YY1AP1: variants seen among roughly 807,000 people sequenced by gnomAD.
The protein encoded by YY1AP1 is YY1 associated protein 1, also known as YY1-associated protein 1.
Under a neutral mutation model 39.9 loss-of-function variants are expected in YY1AP1, and 43 were observed. The observed-to-expected ratio is 1.08, with a 90% CI of 0.84 to 1.39. YY1AP1 has a LOEUF of 1.39. Ranked by LOEUF, YY1AP1 falls within the 40% of genes most tolerant of loss-of-function variation. YY1AP1 has a pLI of 0.00. For missense variants in YY1AP1, 813 were observed against 900.7 expected (o/e 0.90, Z 1.25); for synonymous variants, 292 against 331.3 (o/e 0.88, Z 1.29).
In YY1AP1 at chr1:155,660,504, A is replaced by C. The variant is rs776178790; in HGVS notation, c.1406T>G (p.Leu469Arg). 1.2e-6 allele frequency: 2 copies of C among 1,614,118 alleles called. No homozygotes were observed. The highest frequency in any genetic ancestry group is 1.1e-5 in the South Asian group (1 of 91,076). Residue 469 changes from leucine to arginine, a missense_variant, in exon 11 of 11, where the codon CTG (leucine) becomes CGG (arginine). Physicochemically the swap from Leu to Arg is moderately radical, Grantham distance 102. Around this residue, in one of 3 missense-constraint regions of YY1AP1, gnomAD observed 586 missense variants for 647.4 expected, o/e 0.91. Transcript: ENST00000355499. ...VLQTVPGVPP[L>R]GVSGGESFES... ...AAAACTCTCACCTCCACTGACCCCC[A>C]GTGGAGGGACACCTGGAACTGTCTG...
chr1:155,675,147 C>T (rs374390293), intron 5 of YY1AP1, 51 bp from the exon 6 acceptor site: 256 of 1,539,260 alleles, frequency 1.7e-4, no homozygotes, highest in Non-Finnish European at 2.0e-4. Flanking sequence ...ACTGCCATTT[C>T]AGGAGCCCAG....
rs1235940092 is a variant in YY1AP1, at chr1:155,688,290, T to C, written c.-151-89A>G. The C allele has an allele frequency of 1.3e-5, 20 of 1,577,040 alleles. No individual in the cohort carries two copies. The Admixed American group carries it at 3.8e-4, about 30-fold the overall frequency. ...GCGGATCCCGCAACCGACACTGGGA[T>C]CGTTTCCCCTCGCAAAGCGAACCCA... On this transcript the variant is annotated intron_variant, in intron 1 of 10. Transcript: ENST00000355499.
intron 7 of YY1AP1, chr1:155,670,815 C>T (rs1649743465): frequency 8.2e-6 from 2 of 244,834 alleles, no homozygotes; most frequent in African/African-American, 2.3e-5. Flanking sequence ...GCTGGGACTA[C>T]AGGCGCCTGC....
intron 9 of YY1AP1, among the ~76,000 whole-genome samples, chr1:155,668,298 G>C (rs763661324): frequency 4.6e-5 from 7 of 152,104 alleles, no homozygotes; most frequent in Non-Finnish European, 8.8e-5. Context: ...GACAGTGCAA[G>C]ATTATGTCTG....
At chr1:155,661,600 G>A (rs1648161471) in intron 9 of YY1AP1, among the ~76,000 whole-genome samples, 177 bp from the exon 10 acceptor site, 1 of 151,858 alleles carries the variant, frequency 6.6e-6, no homozygotes, top group Non-Finnish European at 1.5e-5. Flanking sequence ...AATAGCATAT[G>A]CTGAATACTT....
chr1:155,661,116 C>T lies in YY1AP1; in HGVS notation c.996+191G>A, dbSNP rs970490682. On this transcript the variant is annotated intron_variant, in intron 10 of 10. Transcript: ENST00000355499. ...TCCTTTAGCAAATTACCATTTTACC[C>T]ATTATTTTGAAAATGTTGTAGAATC... 2.0e-6 allele frequency: 3 copies of T among 1,505,822 alleles called. No homozygotes were observed. The African/African-American group carries it at 4.2e-5, about 21-fold the overall frequency. The allele number at this position is 1,505,822 out of a possible 1,614,324, so 93.3% of individuals were successfully genotyped here.
At chr1:155,665,809 A>AAAAAAAAAG (rs1423160111) in intron 9 of YY1AP1, among the ~76,000 whole-genome samples, 1 of 145,382 alleles carries the variant, frequency 6.9e-6, no homozygotes, top group African/African-American at 2.7e-5. Flanking sequence ...AAAAAAAAAA[A>AAAAAAAAAG]GTAATGCAAA....
At chr1:155,679,063 A>G in intron 4 of YY1AP1, 4 of 1,167,808 alleles carry the variant, frequency 3.4e-6, no homozygotes, top group Non-Finnish European at 4.4e-6. Flanking sequence ...AATGGCACAT[A>G]AAAAGAACAA....
At chr1:155,664,502 A>AG (rs1335886347) in intron 9 of YY1AP1, among the ~76,000 whole-genome samples, 3 of 152,150 alleles carry the variant, frequency 2.0e-5, no homozygotes, top group South Asian at 2.1e-4. Context: ...TGGGAGGCCA[A>AG]GGTGGGCAGA....
Position 155,664,669 on chromosome 1 carries a change from G to A in YY1AP1, c.880-3246C>T, listed in dbSNP as rs567612870. Among the ~76,000 whole-genome samples, 3 of 151,386 alleles carry A rather than the reference G, an allele frequency of 2.0e-5. No individual in the cohort carries two copies. The South Asian group carries it at 6.2e-4, about 31-fold the overall frequency. ...GAACCCAGGAGGCAGAGGCTGCAGT[G>A]AGCAACAGTGAGACTCTGTCTCAAA... On this transcript the variant is annotated intron_variant, in intron 9 of 10. Transcript: ENST00000355499.
intron 2 of YY1AP1, among the ~76,000 whole-genome samples, chr1:155,682,572 G>A (rs1170616102): frequency 6.6e-6 from 1 of 151,704 alleles, no homozygotes; most frequent in Non-Finnish European, 1.5e-5. Flanking sequence ...TGTTGGCCAG[G>A]TTGGTCTCCA....
chr1:155,669,546 G>T (rs1297289054), intron 8 of YY1AP1, among the ~76,000 whole-genome samples: 6 of 152,070 alleles, frequency 3.9e-5, no homozygotes, highest in Admixed American at 3.9e-4. Flanking sequence ...CACAAAGGAA[G>T]TTCAAAGAGA....
intron 2 of YY1AP1, among the ~76,000 whole-genome samples, chr1:155,685,738 G>C (rs1437392726): frequency 6.6e-6 from 1 of 152,162 alleles, no homozygotes; most frequent in Non-Finnish European, 1.5e-5. Flanking sequence ...GTTTTCAAAT[G>C]AGATCTAAAT....
chr1:155,680,141 G>A, intron 3 of YY1AP1: 2 of 317,858 alleles, frequency 6.3e-6, no homozygotes, highest in South Asian at 3.2e-5. Context: ...TTTCACCACT[G>A]TATTCTCCAG....
intron 8 of YY1AP1, 129 bp from the exon 9 acceptor site, chr1:155,668,906 T>G: frequency 1.5e-6 from 2 of 1,362,006 alleles, no homozygotes; most frequent in East Asian, 5.0e-5. Context: ...CTCTGTCACC[T>G]GGGCTGGAGT....
At chr1:155,672,074 C>T (rs1649943217) in intron 7 of YY1AP1, among the ~76,000 whole-genome samples, 1 of 152,194 alleles carries the variant, frequency 6.6e-6, no homozygotes, top group Admixed American at 6.5e-5. Context: ...GGCAAATGTA[C>T]AATCTCTAAT....
chr1:155,688,397 C>A (rs1419779499), intron 1 of YY1AP1, 196 bp from the exon 2 acceptor site: 2 of 1,543,956 alleles, frequency 1.3e-6, no homozygotes, highest in Non-Finnish European at 8.8e-7. Flanking sequence ...TAGCGACACC[C>A]CCAACCTCCC....
At chr1:155,687,855 T>A (rs1425516610) in intron 2 of YY1AP1, 3 of 524,418 alleles carry the variant, frequency 5.7e-6, no homozygotes, top group Non-Finnish European at 1.0e-5. Flanking sequence ...CCCAGCCCCC[T>A]CCGGGAGTCT....
rs1435021955 is a variant in YY1AP1, at chr1:155,660,852, C to A, written c.1058G>T (p.Gly353Val). ...RHMADGAREV[G>V]NMTGTTEINS... ...GATCTCAGTGGTTCCAGTCATATTT[C>A]CTACCTCTCTAGCACCATCAGCCAT... The change falls in exon 11 of 11, where the codon GGA becomes GTA. Residue 353 changes from glycine to valine, a missense_variant. By Grantham distance (109) the Gly-to-Val change is moderately radical. Transcript: ENST00000355499. The A allele has an allele frequency of 6.2e-7, 1 of 1,614,158 alleles. No individual in the cohort carries two copies. The highest frequency in any genetic ancestry group is 1.7e-5 in the Admixed American group (1 of 60,022).
Sources: allele counts gnomAD v4.1 joint callset (sites outside exome capture counted in the v4.1 genomes callset), GRCh38; gene constraint gnomAD v4.1.1; regional missense constraint gnomAD v4.1.1; transcripts MANE v1.5; gene names NCBI Gene and HGNC (gene_info 2026-07-23, HGNC 2026-07-21).